Variants in NLGN1 observed in about 807,000 individuals in gnomAD.
NLGN1 encodes neuroligin 1, also known as neuroligin-1.
NLGN1 carries 12 observed loss-of-function variants against 65.5 expected under a neutral mutation model. The observed-to-expected ratio is 0.18, with a 90% CI of 0.12 to 0.30. The LOEUF is 0.30. NLGN1 is among the 10% of genes least tolerant of loss of function. The pLI, the probability that NLGN1 is intolerant of heterozygous loss-of-function variation, is 1.00. For missense variants in NLGN1, 750 were observed against 1,007.1 expected, an observed-to-expected ratio of 0.74 and a Z score of 3.46; for synonymous variants, 350 against 359.5, an observed-to-expected ratio of 0.97 and a Z score of 0.30.
At chr3:174,198,314 G>A (rs181937893) in intron 4 of NLGN1, among the ~76,000 whole-genome samples, 2 of 152,304 alleles carry the variant, frequency 1.3e-5, no homozygotes, top group East Asian at 3.9e-4. Context: ...AGGTCAAAGA[G>A]CTAGTGACTA....
At chr3:174,156,867 G>A (rs1725542579) in intron 4 of NLGN1, among the ~76,000 whole-genome samples, 1 of 151,514 alleles carries the variant, frequency 6.6e-6, no homozygotes, top group Admixed American at 6.6e-5. Context: ...CTGCACTATA[G>A]CAACACTTAC....
intron 3 of NLGN1, among the ~76,000 whole-genome samples, chr3:173,727,970 A>G (rs1043879325): frequency 6.6e-6 from 1 of 152,124 alleles, no homozygotes; most frequent in African/African-American, 2.4e-5. Context: ...TATGCAGCTG[A>G]TCTGAAGAAC....
At chr3:173,828,930 T>TC (rs1553863089) in intron 4 of NLGN1, among the ~76,000 whole-genome samples, 3 of 151,308 alleles carry the variant, frequency 2.0e-5, no homozygotes, top group Non-Finnish European at 4.4e-5. Flanking sequence ...TGTTGCTTTT[T>TC]GGGGGGGATT....
chr3:173,995,643 T>TC lies in NLGN1; in HGVS notation c.646+187811_646+187812insC, dbSNP rs1206783239. ...CAATTAGTGTTAGACTTTTTTTGTTTTTTTTTTCTTTTTCTTTCATTCTTT... is the reference window on the plus strand; with the variant it reads ...CAATTAGTGTTAGACTTTTTTTGTTTCTTTTTTTCTTTTTCTTTCATTCTTT... On this transcript the variant is annotated intron_variant, in intron 4 of 6. Transcript: ENST00000457714. Among the ~76,000 whole-genome samples, 4 of 151,812 alleles carry TC rather than the reference T, an allele frequency of 2.6e-5. No individual in the cohort carries two copies. In the East Asian group the frequency reaches 7.8e-4, roughly 29 times the overall value.
At chr3:173,630,541 C>T (rs1344241615) in intron 3 of NLGN1, among the ~76,000 whole-genome samples, 4 of 151,862 alleles carry the variant, frequency 2.6e-5, no homozygotes, top group Admixed American at 6.6e-5. Flanking sequence ...TTTCTAGGTA[C>T]ATCTTACTGA....
the NLGN1 span, among the ~76,000 whole-genome samples, chr3:174,292,980 G>A: frequency 2.0e-5 from 3 of 151,208 alleles, no homozygotes; most frequent in South Asian, 2.1e-4. Flanking sequence ...AAATTCACAC[G>A]ATTTAAAATT....
intron 3 of NLGN1, among the ~76,000 whole-genome samples, chr3:173,618,803 A>C (rs1476132875): frequency 6.6e-6 from 1 of 152,080 alleles, no homozygotes; most frequent in Admixed American, 6.6e-5. Flanking sequence ...TTGACCTATA[A>C]CATCTCAATC....
At chr3:173,417,808 T>G (rs929213866) in intron 1 of NLGN1, among the ~76,000 whole-genome samples, 1 of 151,992 alleles carries the variant, frequency 6.6e-6, no homozygotes, top group African/African-American at 2.4e-5. Flanking sequence ...AATATTAAAT[T>G]AACTATGTTT....
chr3:173,998,833 G>T (rs1033556009), intron 4 of NLGN1, among the ~76,000 whole-genome samples: 3 of 152,166 alleles, frequency 2.0e-5, no homozygotes, highest in African/African-American at 2.4e-5. Context: ...GTGATTCGGA[G>T]CTCTGCACAT....
At chr3:174,033,784 A>G (rs1251642465) in intron 4 of NLGN1, among the ~76,000 whole-genome samples, 2 of 152,272 alleles carry the variant, frequency 1.3e-5, no homozygotes, top group Admixed American at 1.3e-4. Flanking sequence ...TAAAAAGCAA[A>G]ACAGAACATC....
At chr3:173,899,331 A>G (rs1464398500) in intron 4 of NLGN1, among the ~76,000 whole-genome samples, 1 of 152,132 alleles carries the variant, frequency 6.6e-6, no homozygotes, top group Non-Finnish European at 1.5e-5. Flanking sequence ...TTTCAGACTG[A>G]CTTGCATTAG....
intron 3 of NLGN1, among the ~76,000 whole-genome samples, chr3:173,636,575 A>G (rs548550930): frequency 2.6e-5 from 4 of 152,056 alleles, no homozygotes; most frequent in African/African-American, 7.2e-5. Context: ...TCAGACTGGA[A>G]TATTCTTTGG....
intron 4 of NLGN1, among the ~76,000 whole-genome samples, chr3:173,849,262 A>T (rs1371611161): frequency 6.6e-6 from 1 of 152,158 alleles, no homozygotes; most frequent in South Asian, 2.1e-4. Context: ...AGTAGTAGAT[A>T]GGTTTGCACC....
At chr3:173,432,142 A>G (rs13078174) in intron 1 of NLGN1, among the ~76,000 whole-genome samples, 4,379 of 152,262 alleles carry the variant, frequency 0.029, 210 homozygotes, top group African/African-American at 0.1. Flanking sequence ...AGAACATCTT[A>G]GATTCTTCTA....
intron 4 of NLGN1, among the ~76,000 whole-genome samples, chr3:173,978,300 T>C (rs1717972278): frequency 6.6e-6 from 1 of 152,116 alleles, no homozygotes; most frequent in Non-Finnish European, 1.5e-5. Context: ...TAAGTAATTA[T>C]GTAATTATAT....
intron 1 of NLGN1, among the ~76,000 whole-genome samples, chr3:173,406,380 T>G (rs1718661574): frequency 6.6e-6 from 1 of 151,474 alleles, no homozygotes; most frequent in South Asian, 2.1e-4. Context: ...CAGGTAAAAA[T>G]GAAGTTTCCC....
At chr3:173,878,661 T>TATAC (rs1208762676) in intron 4 of NLGN1, among the ~76,000 whole-genome samples, 1 of 149,726 alleles carries the variant, frequency 6.7e-6, no homozygotes, top group Non-Finnish European at 1.5e-5. Context: ...TATATATATA[T>TATAC]ATACACATAC....
intron 3 of NLGN1, among the ~76,000 whole-genome samples, chr3:173,610,936 T>G (rs1577524072): frequency 1.3e-5 from 2 of 152,018 alleles, no homozygotes; most frequent in East Asian, 3.9e-4. Flanking sequence ...AGAAATATTT[T>G]TATACAACAG....
intron 2 of NLGN1, among the ~76,000 whole-genome samples, chr3:173,582,430 CTG>C (rs1272630459): frequency 2.0e-5 from 3 of 152,034 alleles, no homozygotes; most frequent in African/African-American, 7.2e-5. Context: ...CATATACTCT[CTG>C]TAATTTCTTC....
Sources: gnomAD v4.1 joint callset for allele counts (sites outside exome capture counted in the v4.1 genomes callset) on GRCh38, gnomAD v4.1.1 for gene constraint, MANE v1.5 for transcripts, NCBI Gene and HGNC (gene_info 2026-07-23, HGNC 2026-07-21) for gene names.